The following FAM168A variants were observed in gnomAD, a reference collection of about 807,000 sequenced individuals.
The protein encoded by FAM168A is family with sequence similarity 168 member A.
In FAM168A, 3 loss-of-function variants were observed where a neutral mutation model predicts 28.5. The observed-to-expected ratio is 0.11, with a 90% CI of 0.05 to 0.27. FAM168A has a LOEUF of 0.27. Among genes scored for constraint, FAM168A ranks in the 10% least tolerant of loss-of-function variants. The probability of loss-of-function intolerance (pLI) is 1.00; values close to 1 mark genes in which losing one functional copy is unlikely to be tolerated. For missense variants in FAM168A, 222 were observed against 311.5 expected, an observed-to-expected ratio of 0.71 and a Z score of 2.16; for synonymous variants, 122 against 124.2, an observed-to-expected ratio of 0.98 and a Z score of 0.12.
chr11:73,455,134 C>A (rs925008440), intron 2 of FAM168A, among the ~76,000 whole-genome samples: 1 of 152,248 alleles, frequency 6.6e-6, no homozygotes, highest in Admixed American at 6.5e-5. Flanking sequence ...CAGGCACCCC[C>A]ACCTGGACAC....
intron 1 of FAM168A, among the ~76,000 whole-genome samples, chr11:73,587,771 ATGGAGTCTAG>A (rs1418357300): frequency 6.6e-6 from 1 of 151,384 alleles, no homozygotes; most frequent in East Asian, 1.9e-4. Flanking sequence ...TTTTTTTGAG[ATGGAGTCTAG>A]TTCTGTCGCC....
At chr11:73,575,818 G>A (rs372499588) in intron 1 of FAM168A, among the ~76,000 whole-genome samples, 10 of 151,902 alleles carry the variant, frequency 6.6e-5, no homozygotes, top group East Asian at 5.8e-4. Flanking sequence ...GCAGTGAACC[G>A]AGATCGTGCC....
intron 1 of FAM168A, among the ~76,000 whole-genome samples, chr11:73,579,114 A>T (rs995600050): frequency 2.0e-5 from 3 of 152,108 alleles, no homozygotes; most frequent in Non-Finnish European, 4.4e-5. Context: ...GTCTCTTCTT[A>T]TACAGGCACT....
rs115842856 is a variant in FAM168A at position 73,479,740 on chromosome 11, T to A, written c.-18-11248A>T. ...TCTTCTTGCTACATTTTAAGCACCATGAGATCAACAAATTACCTCTTTTAT... is the reference window on the plus strand; with the variant it reads ...TCTTCTTGCTACATTTTAAGCACCAAGAGATCAACAAATTACCTCTTTTAT... On this transcript the variant is annotated intron_variant, in intron 1 of 7. Coordinates refer to ENST00000356467, the MANE Select transcript of FAM168A (RefSeq NM_015159.3). Among the ~76,000 whole-genome samples, 305 of 152,288 alleles carry A rather than the reference T, an allele frequency of 2.0e-3. 3 individuals are homozygous for A. Among genetic ancestry groups the A allele is most frequent in the African/African-American group, 7.2e-3 (298 of 41,568 alleles).
intron 1 of FAM168A, among the ~76,000 whole-genome samples, chr11:73,502,085 A>T (rs1257954295): frequency 6.7e-6 from 1 of 150,154 alleles, no homozygotes; most frequent in East Asian, 2.0e-4. Context: ...TGGGCGACAG[A>T]TCAAAGCTTT....
intron 1 of FAM168A, among the ~76,000 whole-genome samples, chr11:73,526,488 G>T (rs923376371): frequency 1.7e-4 from 26 of 151,976 alleles, no homozygotes; most frequent in African/African-American, 5.1e-4. Context: ...CCTCTTCTCT[G>T]GGCCTCAGTT....
At position 73,557,280 on chromosome 11, in the gene FAM168A, C is replaced by T. The variant is rs139197122; in HGVS notation, c.-19+40643G>A. 4.0e-4 allele frequency among the ~76,000 whole-genome samples: 61 copies of T among 152,238 alleles called. 1 individual carries two copies. The highest frequency in any genetic ancestry group is 1.4e-3 in the African/African-American group (60 of 41,542). ...TATTATTCTACTCATATGAGATACA[C>T]AGAACAATCCAATTCATGGAGACAA... On this transcript the variant is annotated intron_variant, in intron 1 of 7. Transcript: ENST00000356467.
In FAM168A at chr11:73,588,351, T is replaced by C. The variant is rs546192685; in HGVS notation, c.-19+9572A>G. On this transcript the variant is annotated intron_variant, in intron 1 of 7. Coordinates refer to ENST00000356467, the MANE Select transcript of FAM168A (RefSeq NM_015159.3). ...GAAAAGATTTGTCTGATGAGATGAGTGGTGATATTAACAAATGTGGGTTCT... is the reference window on the plus strand; with the variant it reads ...GAAAAGATTTGTCTGATGAGATGAGCGGTGATATTAACAAATGTGGGTTCT... 4.1e-4 allele frequency among the ~76,000 whole-genome samples: 62 copies of C among 152,104 alleles called. 1 individual carries two copies. The highest frequency in any genetic ancestry group is 1.5e-3 in the African/African-American group (61 of 41,500).
intron 3 of FAM168A, among the ~76,000 whole-genome samples, chr11:73,429,076 T>C (rs1189998809): frequency 6.6e-6 from 1 of 152,150 alleles, no homozygotes; most frequent in Non-Finnish European, 1.5e-5. Context: ...TACTTAGAGA[T>C]GGGGGAAATG....
chr11:73,426,114 G>A (rs2134503991), intron 3 of FAM168A, among the ~76,000 whole-genome samples: 1 of 152,294 alleles, frequency 6.6e-6, no homozygotes, highest in South Asian at 2.1e-4. Flanking sequence ...AGGGGAAAAT[G>A]TTTTGTCAAA....
At chr11:73,472,296 T>C (rs549056123) in intron 1 of FAM168A, among the ~76,000 whole-genome samples, 13 of 152,262 alleles carry the variant, frequency 8.5e-5, no homozygotes. Context: ...GAGCAAGCCA[T>C]GGAGATCTCT....
chr11:73,431,845 A>G (rs1435960558), intron 2 of FAM168A, among the ~76,000 whole-genome samples: 1 of 152,240 alleles, frequency 6.6e-6, no homozygotes, highest in Non-Finnish European at 1.5e-5. Context: ...AATGACATTT[A>G]CAATGTTATG....
intron 1 of FAM168A, among the ~76,000 whole-genome samples, chr11:73,509,224 G>C (rs1855171700): frequency 6.6e-6 from 1 of 152,182 alleles, no homozygotes. Flanking sequence ...GCAAGTCAAG[G>C]AGCAGAGCTG....
chr11:73,422,268 C>G (rs1411184707), intron 3 of FAM168A, among the ~76,000 whole-genome samples: 1 of 152,182 alleles, frequency 6.6e-6, no homozygotes, highest in Non-Finnish European at 1.5e-5. Context: ...TCTTTTCCAA[C>G]TGATGACATG....
chr11:73,457,723 C>CAAAAAAAAAAAAAAAAAAA (rs58142151), intron 2 of FAM168A, among the ~76,000 whole-genome samples: 97 of 37,486 alleles, frequency 2.6e-3, no homozygotes, highest in Non-Finnish European at 4.3e-3. Context: ...GCCTGGGTGA[C>CAAAAAAAAAAAAAAAAAAA]AAAAAAAAAA....
intron 1 of FAM168A, among the ~76,000 whole-genome samples, chr11:73,597,442 G>A (rs1324915215): frequency 1.3e-5 from 2 of 151,594 alleles, no homozygotes; most frequent in Non-Finnish European, 2.9e-5. Context: ...ACACTACGCA[G>A]GGCCCTAACC....
chr11:73,473,848 C>T (rs1326398075), intron 1 of FAM168A, among the ~76,000 whole-genome samples: 1 of 151,298 alleles, frequency 6.6e-6, no homozygotes, highest in Non-Finnish European at 1.5e-5. Flanking sequence ...GAGTCTCGCT[C>T]TGTTGCCCAG....
intron 2 of FAM168A, among the ~76,000 whole-genome samples, chr11:73,448,485 A>T (rs1469437546): frequency 6.6e-6 from 1 of 152,244 alleles, no homozygotes; most frequent in Non-Finnish European, 1.5e-5. Flanking sequence ...TTGCCTGGGT[A>T]ATTGTGATAG....
In FAM168A at chr11:73,409,512, T is replaced by A. The variant is rs1475874437; in HGVS notation, c.570A>T (p.Ala190=). The A allele has an allele frequency of 1.2e-6, 2 of 1,613,956 alleles. No homozygotes were observed. Among genetic ancestry groups the A allele is most frequent in the Non-Finnish European group, 1.7e-6 (2 of 1,179,922 alleles). The part of the protein sequence containing the change: ...RTNGVAMGMV[A]GTTMAMSAGT... ...CTGCTGACATTGCCATGGTGGTGCC[T>A]GCCACCATGCCCATGGCCACACCGT... The change falls in exon 6 of 8, where the codon GCA becomes GCT. Residue 190 remains alanine (A), a synonymous_variant. Transcript: ENST00000356467.
Sources: gnomAD v4.1 joint callset for allele counts (sites outside exome capture counted in the v4.1 genomes callset) on GRCh38, gnomAD v4.1.1 for gene constraint, MANE v1.5 for transcripts, NCBI Gene and HGNC (gene_info 2026-07-23, HGNC 2026-07-21) for gene names.